Variants in NECTIN1 observed in about 807,000 individuals in gnomAD.
NECTIN1 encodes the protein nectin-1.
NECTIN1 carries 23 observed loss-of-function variants against 48.0 expected under a neutral mutation model. The observed-to-expected ratio is 0.48, with a 90% CI of 0.34 to 0.68. The LOEUF is 0.68. NECTIN1 is among the 30% of genes least tolerant of loss of function. The pLI, the probability that NECTIN1 is intolerant of heterozygous loss-of-function variation, is 0.01. For synonymous variants in NECTIN1, 270 were observed against 288.9 expected, an observed-to-expected ratio of 0.93 and a Z score of 0.66; for missense variants, 591 against 709.9, an observed-to-expected ratio of 0.83 and a Z score of 1.90.
At position 119,678,305 on chromosome 11, in the gene NECTIN1, G is replaced by C. The variant is rs139333092; in HGVS notation, c.430+110C>G. 85 of 1,035,854 alleles carry C rather than the reference G, an allele frequency of 8.2e-5. No homozygotes were observed. The Middle Eastern group carries it at 8.2e-4, about 10-fold the overall frequency. The allele number at this position is 1,035,854 out of a possible 1,614,324, so 64.2% of individuals were successfully genotyped here. A position where few individuals can be genotyped will look rare whatever the true frequency, so the allele number is the denominator to read the frequency against. On this transcript the variant is annotated intron_variant, in intron 2 of 5. Transcript: ENST00000264025. This position sits in a 1 kb window ranked among gnomAD's most constrained non-coding sequence, Gnocchi z 4.4. Reference sequence around the variant, plus strand: ...AAGCCTCATGCCTAGAATGATGGCAGCATGCCCACCCAAGGGGGATGTCTG... The same window carrying C: ...AAGCCTCATGCCTAGAATGATGGCACCATGCCCACCCAAGGGGGATGTCTG...
At chr11:119,676,879 C>A (rs2135550851) in intron 4 of NECTIN1, 1 of 590,364 alleles carries the variant, frequency 1.7e-6, no homozygotes, top group Admixed American at 2.7e-5. Flanking sequence ...ACCCCTCTGG[C>A]AGAATAGCTT....
intron 1 of NECTIN1, among the ~76,000 whole-genome samples, chr11:119,722,126 A>G (rs1256788756): frequency 2.6e-5 from 4 of 152,216 alleles, no homozygotes; most frequent in Non-Finnish European, 5.9e-5. Flanking sequence ...CCAGTGTCTA[A>G]TTTGGCCACA....
chr11:119,665,151 T>TGTGCCG lies in NECTIN1; in HGVS notation c.1144_1149dup (p.Arg382_His383dup). 2 of 1,613,668 alleles carry TGTGCCG rather than the reference T, an allele frequency of 1.2e-6. No individual in the cohort carries two copies. Among genetic ancestry groups the TGTGCCG allele is most frequent in the Non-Finnish European group, 8.5e-7 (1 of 1,179,996 alleles). ...TTGGTGCTGTAGTCACCCTTGAAGG[T>TGTGCCG]GTGCCGGCGCCGACGCAGGGCGACC... On this transcript the variant is annotated inframe_insertion, in exon 6 of 6. Transcript: ENST00000264025. This position sits in a 1 kb window ranked among gnomAD's most constrained non-coding sequence, Gnocchi z 5.1.
rs139994974 is a variant in NECTIN1, at chr11:119,651,101, C to T, written c.1004-11089G>A. Reference sequence around the variant, plus strand: ...GAACTACAGGGACAAAAGAATAGGGCGTGGAATAGGACACCCATGAGCCCA... The same window carrying T: ...GAACTACAGGGACAAAAGAATAGGGTGTGGAATAGGACACCCATGAGCCCA... On this transcript the variant is annotated intron_variant, in intron 5 of 7. Transcript: ENST00000341398. Among the ~76,000 whole-genome samples the T allele has an allele frequency of 4.8e-4, 73 of 152,072 alleles. 1 individual carries two copies. Among genetic ancestry groups the T allele is most frequent in the Non-Finnish European group, 5.4e-4 (37 of 67,976 alleles).
intron 1 of NECTIN1, among the ~76,000 whole-genome samples, chr11:119,688,303 C>A (rs1281153145): frequency 6.6e-6 from 1 of 152,138 alleles, no homozygotes; most frequent in Non-Finnish European, 1.5e-5. Flanking sequence ...GAGAAAGAAC[C>A]TACCTAGAAA....
downstream of NECTIN1, among the ~76,000 whole-genome samples, chr11:119,659,495 G>A (rs1457425677): frequency 1.3e-5 from 2 of 152,212 alleles, no homozygotes; most frequent in South Asian, 2.1e-4. Flanking sequence ...GGTGGTGCTG[G>A]AGGGATGGAG....
intron 5 of NECTIN1, chr11:119,642,392 G>A (rs1820020306): frequency 1.3e-5 from 2 of 152,360 alleles, no homozygotes; most frequent in South Asian, 2.1e-4. Flanking sequence ...TACCCTGTCC[G>A]GCTCACAGAG....
chr11:119,664,553 G>A lies in NECTIN1; in HGVS notation c.*194C>T, dbSNP rs1013800936. On this transcript the variant is annotated 3_prime_UTR_variant, in exon 6 of 6. Transcript: ENST00000264025. ...CAACACCATGGGGAAGGGCGGAGGA[G>A]AGGGAGGAAATAAAACACAAAGCCA... 1 of 1,430,370 alleles carries A rather than the reference G, an allele frequency of 7.0e-7. No homozygotes were observed. Among genetic ancestry groups the A allele is most frequent in the Non-Finnish European group, 9.1e-7 (1 of 1,095,804 alleles). 88.6% of individuals were successfully genotyped at this position (1,430,370 alleles called of 1,614,324 possible).
rs1365661670 is a variant in NECTIN1, at chr11:119,663,255, A to C, written c.*1492T>G. The C allele has an allele frequency of 1.0e-6, 1 of 985,364 alleles. No individual in the cohort carries two copies. Among genetic ancestry groups the C allele is most frequent in the South Asian group, 4.7e-5 (1 of 21,294 alleles). The allele number at this position is 985,364 out of a possible 1,614,324, so 61.0% of individuals were successfully genotyped here. A position where few individuals can be genotyped will look rare whatever the true frequency, so the allele number is the denominator to read the frequency against. ...GCATGCCTGTCTAGAGTGCCAGGGG[A>C]TCTGGGAGCAGATGGAGGAACTGAG... On this transcript the variant is annotated 3_prime_UTR_variant, in exon 6 of 6. Transcript: ENST00000264025.
chr11:119,703,625 C>T (rs1865492375), intron 1 of NECTIN1, among the ~76,000 whole-genome samples: 1 of 152,188 alleles, frequency 6.6e-6, no homozygotes, highest in Admixed American at 6.5e-5. Flanking sequence ...GTGACCCGAC[C>T]CACAAGTGGC....
intron 5 of NECTIN1, chr11:119,642,827 G>A (rs1864346469): frequency 6.5e-6 from 1 of 153,668 alleles, no homozygotes; most frequent in African/African-American, 2.4e-5. Context: ...TGTGTAAATG[G>A]TTGTAATACT....
chr11:119,665,982 A>G lies in NECTIN1; in HGVS notation c.1004-685T>C, dbSNP rs1338575932. 6.6e-6 allele frequency among the ~76,000 whole-genome samples: 1 copy of G among 152,110 alleles called. No homozygotes were observed. Among genetic ancestry groups the G allele is most frequent in the Non-Finnish European group, 1.5e-5 (1 of 68,010 alleles). ...CTCAGGAGATGCCCCGTGAGTGCCA[A>G]TCAGCTGCCAAGGTGCCAGAAACTA... On this transcript the variant is annotated intron_variant, in intron 5 of 5. Transcript: ENST00000264025. This position sits in a 1 kb window ranked among gnomAD's most constrained non-coding sequence, Gnocchi z 5.1.
At chr11:119,703,759 G>A (rs1230658946) in intron 1 of NECTIN1, among the ~76,000 whole-genome samples, 1 of 152,202 alleles carries the variant, frequency 6.6e-6, no homozygotes, top group Non-Finnish European at 1.5e-5. Context: ...TATTGGTAAA[G>A]TCCTCTGCCA....
intron 1 of NECTIN1, among the ~76,000 whole-genome samples, chr11:119,720,286 G>A (rs1447879209): frequency 6.6e-6 from 1 of 152,260 alleles, no homozygotes; most frequent in Non-Finnish European, 1.5e-5. Flanking sequence ...AGGTGCATGG[G>A]GCACAGAGAA....
rs891016393 is a variant in NECTIN1 at position 119,672,553 on chromosome 11, C to G, written c.1003+2606G>C. Among the ~76,000 whole-genome samples, 4 of 152,176 alleles carry G rather than the reference C, an allele frequency of 2.6e-5. No homozygotes were observed. Among genetic ancestry groups the G allele is most frequent in the African/African-American group, 9.7e-5 (4 of 41,438 alleles). ...AGCCACAGCCTGGGCCTGTTGTTTCCCACTAGGGACTCACTCATGGTGGCA... is the reference window on the plus strand; with the variant it reads ...AGCCACAGCCTGGGCCTGTTGTTTCGCACTAGGGACTCACTCATGGTGGCA... On this transcript the variant is annotated intron_variant, in intron 5 of 5. Coordinates refer to ENST00000264025, the MANE Select transcript of NECTIN1 (RefSeq NM_002855.5). This position sits in a 1 kb window ranked among gnomAD's most constrained non-coding sequence, Gnocchi z 4.3.
chr11:119,639,879 C>T (rs557773990), exon 6 of NECTIN1: 3 of 1,614,158 alleles, frequency 1.9e-6, no homozygotes, highest in Admixed American at 3.3e-5. Flanking sequence ...CCCCATCCGT[C>T]TCCGGTGGGC....
chr11:119,708,196 C>T (rs1294413703), intron 1 of NECTIN1, among the ~76,000 whole-genome samples: 1 of 151,882 alleles, frequency 6.6e-6, no homozygotes, highest in African/African-American at 2.4e-5. Flanking sequence ...GTCCTTGAGA[C>T]AGACAGAGAT....
Position 119,677,416 on chromosome 11 carries a change from A to G in NECTIN1, c.733+139T>C, listed in dbSNP as rs148947571. On this transcript the variant is annotated intron_variant, in intron 3 of 5. Transcript: ENST00000264025. The surrounding 1 kb of genome is among the most constrained non-coding windows in gnomAD (Gnocchi z 5.4). ...CGACAGGGAAGGAGGAGAGAAAACG[A>G]GCAAAGGGAGGAGATAGGGGAGACA... 2,374 of 1,123,796 alleles carry G rather than the reference A, an allele frequency of 2.1e-3. 7 individuals are homozygous for G. The highest frequency in any genetic ancestry group is 3.3e-3 in the Admixed American group (176 of 52,856). The allele number at this position is 1,123,796 out of a possible 1,614,324, so 69.6% of individuals were successfully genotyped here.
rs75177361 is a variant in NECTIN1 at position 119,714,606 on chromosome 11, C to T, written c.79+13869G>A. Among the ~76,000 whole-genome samples, 1,834 of 152,302 alleles carry T rather than the reference C, an allele frequency of 0.012. 83 individuals carry two copies. In the East Asian group the frequency reaches 0.14, roughly 12 times the overall value. ...CCCCTGCCCTGTCCTGTCCTGCCCACGGTCCCTCTGCATCCTGACCCTCTG... is the reference window on the plus strand; with the variant it reads ...CCCCTGCCCTGTCCTGTCCTGCCCATGGTCCCTCTGCATCCTGACCCTCTG... On this transcript the variant is annotated intron_variant, in intron 1 of 5. Transcript: ENST00000264025.
Sources: gnomAD v4.1 joint callset for allele counts (sites outside exome capture counted in the v4.1 genomes callset) on GRCh38, gnomAD v4.1.1 for gene constraint, Gnocchi (gnomAD v3.1) non-coding constraint, MANE v1.5 for transcripts, NCBI Gene and HGNC (gene_info 2026-07-23, HGNC 2026-07-21) for gene names.